Variants in XPO6 observed in about 807,000 individuals in gnomAD.
XPO6 encodes exportin 6, also known as exportin-6.
Under a neutral mutation model 130.0 loss-of-function variants are expected in XPO6, and 3 were observed. The ratio of observed to expected loss-of-function variants is 0.02; its 90% CI spans 0.01 to 0.06. The LOEUF is 0.06. Ranked by LOEUF, XPO6 falls within the 10% of genes least tolerant of loss-of-function variation. The probability of loss-of-function intolerance (pLI) is 1.00; values close to 1 mark genes in which losing one functional copy is unlikely to be tolerated. For missense variants in XPO6, 970 were observed against 1,393.0 expected (o/e 0.70, Z 4.83); for synonymous variants, 524 against 548.9 (o/e 0.95, Z 0.63).
At chr16:28,134,877 G>A (rs2042745414) in intron 10 of XPO6, among the ~76,000 whole-genome samples, 1 of 152,196 alleles carries the variant, frequency 6.6e-6, no homozygotes, top group African/African-American at 2.4e-5. Context: ...CCAGCTAGCT[G>A]TTACTGCTGC....
intron 2 of XPO6, among the ~76,000 whole-genome samples, chr16:28,180,399 A>G (rs559637351): frequency 6.6e-6 from 1 of 152,118 alleles, no homozygotes; most frequent in Non-Finnish European, 1.5e-5. Flanking sequence ...TTGAGACAGG[A>G]TCTTACATTG....
At position 28,146,161 on chromosome 16, in the gene XPO6, G is replaced by A; in HGVS notation, c.1267C>T (p.Leu423=). 6.2e-7 allele frequency: 1 copy of A among 1,614,072 alleles called. No individual in the cohort carries two copies. Among genetic ancestry groups the A allele is most frequent in the South Asian group, 1.1e-5 (1 of 91,078 alleles). Residue 423 remains leucine (L), a synonymous_variant, in exon 9 of 24, where the codon CTG becomes TTG. Coordinates refer to ENST00000304658, the MANE Select transcript of XPO6 (RefSeq NM_015171.4). ...GYFSCLDIWT[L]FLDYLTSKIK... is the part of the protein sequence containing the mutation. ...TTACTTGTCAGATAGTCCAAAAACA[G>A]CGTCCAGATATCCAAACAAGAGAAG... is the stretch of plus-strand genomic sequence containing the variant.
Position 28,134,017 on chromosome 16 carries a change from A to G in XPO6, c.1444-84T>C, listed in dbSNP as rs1043341282. ...CCTCAAGACCACTCTCAGACATAAA[A>G]TTTTGAAGAAATGGAAAATGATGGA... On this transcript the variant is annotated intron_variant, in intron 10 of 23. Transcript: ENST00000304658. The G allele has an allele frequency of 2.2e-6, 3 of 1,376,654 alleles. No homozygotes were observed. In the Admixed American group the frequency reaches 5.7e-5, roughly 26 times the overall value. 85.3% of individuals were successfully genotyped at this position (1,376,654 alleles called of 1,614,324 possible).
intron 7 of XPO6, chr16:28,154,716 A>G (rs1393280555): frequency 3.9e-5 from 6 of 152,262 alleles, no homozygotes; most frequent in Non-Finnish European, 7.3e-5. Flanking sequence ...TGACATTTCT[A>G]TACCATCCAA....
chr16:28,178,616 C>T (rs187673087), intron 2 of XPO6, among the ~76,000 whole-genome samples: 38 of 151,454 alleles, frequency 2.5e-4, no homozygotes, highest in Admixed American at 2.2e-3. Context: ...AAAAAAAACT[C>T]GACAACTTAG....
chr16:28,169,691 C>G, intron 5 of XPO6, 59 bp downstream of exon 5: 2 of 1,594,502 alleles, frequency 1.3e-6, no homozygotes, highest in Non-Finnish European at 1.7e-6. Context: ...AGTGCCAAGG[C>G]CTGAACTCTG....
At chr16:28,194,732 T>C (rs1171417777) in intron 1 of XPO6, among the ~76,000 whole-genome samples, 1 of 151,990 alleles carries the variant, frequency 6.6e-6, no homozygotes, top group Non-Finnish European at 1.5e-5. Flanking sequence ...TGGTCGTACA[T>C]TCTCTCTCAA....
At chr16:28,117,599 T>C (rs2087101446) in intron 14 of XPO6, 137 bp from the exon 15 acceptor site, 1 of 1,085,702 alleles carries the variant, frequency 9.2e-7, no homozygotes, top group African/African-American at 1.6e-5. Context: ...TAGAAATCAT[T>C]TACCGGTTCA....
At position 28,133,950 on chromosome 16, in the gene XPO6, G is replaced by A. The variant is rs1052205972; in HGVS notation, c.1444-17C>T. The A allele has an allele frequency of 5.6e-6, 9 of 1,613,162 alleles. No homozygotes were observed. In the African/African-American group the frequency reaches 8.0e-5, roughly 14 times the overall value. On this transcript the variant is annotated splice_polypyrimidine_tract_variant and intron_variant, in intron 10 of 23. Transcript: ENST00000304658. ...CGTCTGCTGCTGTAGGGGAAGCACA[G>A]GAGAATCAGCTCTCCCAGAATCCTC... is the stretch of plus-strand genomic sequence containing the variant.
At chr16:28,203,038 G>A (rs981419276) in intron 1 of XPO6, among the ~76,000 whole-genome samples, 2 of 152,220 alleles carry the variant, frequency 1.3e-5, no homozygotes, top group Admixed American at 6.5e-5. Context: ...CACTTTGGGA[G>A]GCTGAGGCCG....
chr16:28,174,962 C>T (rs2043510840), intron 4 of XPO6, among the ~76,000 whole-genome samples: 1 of 151,428 alleles, frequency 6.6e-6, no homozygotes, highest in Non-Finnish European at 1.5e-5. Context: ...CTTCCAAATC[C>T]TGATCCCAGA....
rs138074869 is a variant in XPO6 at position 28,126,689 on chromosome 16, C to T, written c.1607-841G>A. 891 of 152,254 alleles carry T rather than the reference C, an allele frequency of 5.9e-3. 3 individuals carry two copies. Among genetic ancestry groups the T allele is most frequent in the Non-Finnish European group, 9.0e-3 (611 of 67,996 alleles). 9.4% of individuals were successfully genotyped at this position (152,254 alleles called of 1,614,324 possible). On this transcript the variant is annotated intron_variant, in intron 12 of 23. Coordinates refer to ENST00000304658, the MANE Select transcript of XPO6 (RefSeq NM_015171.4). ...AAGGACAAAACATCCTCCCTTGATTCGGTCACTTCCTTGGTTTTTGGATCC... is the reference window on the plus strand; with the variant it reads ...AAGGACAAAACATCCTCCCTTGATTTGGTCACTTCCTTGGTTTTTGGATCC...
At chr16:28,124,696 T>C (rs962581428) in intron 13 of XPO6, among the ~76,000 whole-genome samples, 5 of 152,200 alleles carry the variant, frequency 3.3e-5, no homozygotes, top group Admixed American at 2.6e-4. Context: ...TGAAAGACCA[T>C]GTGCAAAAAC....
chr16:28,172,450 T>C (rs1470738409), intron 4 of XPO6, among the ~76,000 whole-genome samples: 2 of 152,150 alleles, frequency 1.3e-5, no homozygotes, highest in Non-Finnish European at 2.9e-5. Context: ...CTTAAGTCTC[T>C]AGCCCCACGT....
At chr16:28,184,332 A>G (rs1007311883) in intron 1 of XPO6, among the ~76,000 whole-genome samples, 1 of 152,204 alleles carries the variant, frequency 6.6e-6, no homozygotes, top group African/African-American at 2.4e-5. Flanking sequence ...GAAAGGTAAG[A>G]TAAGTTTAAA....
chr16:28,131,195 A>G (rs2141282914), intron 12 of XPO6, among the ~76,000 whole-genome samples: 1 of 152,326 alleles, frequency 6.6e-6, no homozygotes, highest in African/African-American at 2.4e-5. Context: ...CAGGGCCTAC[A>G]TTCGGGGCAT....
chr16:28,201,523 T>C (rs916594177), intron 1 of XPO6, among the ~76,000 whole-genome samples: 2 of 152,148 alleles, frequency 1.3e-5, no homozygotes, highest in African/African-American at 4.8e-5. Flanking sequence ...GATCCACATT[T>C]TGCTCTTGAA....
rs114683523 is a variant in XPO6, at chr16:28,150,027, T to C, written c.1224+2632A>G. 5.2e-3 allele frequency among the ~76,000 whole-genome samples: 791 copies of C among 152,334 alleles called. 4 individuals carry two copies. The highest frequency in any genetic ancestry group is 0.018 in the African/African-American group (748 of 41,572). On this transcript the variant is annotated intron_variant, in intron 8 of 23. Coordinates refer to ENST00000304658, the MANE Select transcript of XPO6 (RefSeq NM_015171.4). ...CTCCCCTATAAGCAGGCCTTGGTCC[T>C]AGAGTGCACCTTGCCACCTTTTCAC...
chr16:28,175,167 T>C (rs553738050), intron 4 of XPO6, among the ~76,000 whole-genome samples: 10 of 152,110 alleles, frequency 6.6e-5, no homozygotes, highest in African/African-American at 2.2e-4. Context: ...CTCTCACCTA[T>C]TGTCACTGGC....
Sources: allele counts gnomAD v4.1 joint callset (sites outside exome capture counted in the v4.1 genomes callset), GRCh38; gene constraint gnomAD v4.1.1; transcripts MANE v1.5; gene names NCBI Gene and HGNC (gene_info 2026-07-23, HGNC 2026-07-21).